The following CORIN variants were observed in gnomAD, a reference collection of about 807,000 sequenced individuals.
The protein encoded by CORIN is corin, serine peptidase.
CORIN carries 117 observed loss-of-function variants against 125.3 expected under a neutral mutation model. The observed-to-expected ratio is 0.93, with a 90% CI of 0.80 to 1.09. The LOEUF is 1.09. Among genes scored for constraint, CORIN ranks in the 50% least tolerant of loss-of-function variants. The pLI is 0.00. For missense variants in CORIN, 1,253 were observed against 1,306.7 expected, an observed-to-expected ratio of 0.96 and a Z score of 0.63; for synonymous variants, 450 against 466.4, an observed-to-expected ratio of 0.96 and a Z score of 0.45.
intron 11 of CORIN, 96 bp from the exon 12 acceptor site, chr4:47,661,952 G>A: frequency 8.1e-7 from 1 of 1,229,176 alleles, no homozygotes; most frequent in Non-Finnish European, 1.1e-6. Context: ...CTGTGTATGT[G>A]GCATGTATTG....
At chr4:47,820,241 A>G (rs559162933) in intron 1 of CORIN, among the ~76,000 whole-genome samples, 1 of 152,032 alleles carries the variant, frequency 6.6e-6, no homozygotes, top group South Asian at 2.1e-4. Flanking sequence ...TGAGGCTAAG[A>G]CATCCTGGAA....
chr4:47,662,968 A>G (rs940637680), intron 11 of CORIN, among the ~76,000 whole-genome samples: 1 of 152,250 alleles, frequency 6.6e-6, no homozygotes, highest in Non-Finnish European at 1.5e-5. Flanking sequence ...TGGAAAGTTC[A>G]ATAGTTGATA....
intron 1 of CORIN, among the ~76,000 whole-genome samples, chr4:47,830,760 T>C (rs1732948116): frequency 6.6e-6 from 1 of 152,140 alleles, no homozygotes; most frequent in Non-Finnish European, 1.5e-5. Context: ...TTTTTCACCA[T>C]TCAGGAGGTT....
intron 3 of CORIN, among the ~76,000 whole-genome samples, chr4:47,781,551 G>A (rs570759800): frequency 1.3e-5 from 2 of 152,312 alleles, no homozygotes; most frequent in East Asian, 3.9e-4. Flanking sequence ...CTATAGGTTC[G>A]ATGTATTAAA....
chr4:47,666,437 C>T (rs1409745654), intron 10 of CORIN, among the ~76,000 whole-genome samples: 1 of 152,158 alleles, frequency 6.6e-6, no homozygotes, highest in African/African-American at 2.4e-5. Flanking sequence ...TTGTCTCTGC[C>T]ACTGAGGAAC....
intron 10 of CORIN, among the ~76,000 whole-genome samples, chr4:47,665,849 C>G (rs993480009): frequency 6.6e-6 from 1 of 152,170 alleles, no homozygotes; most frequent in Non-Finnish European, 1.5e-5. Context: ...ATACTTCAAC[C>G]CTAGGCTAAC....
chr4:47,757,867 C>CATATATATATATATAT (rs1274991991), intron 4 of CORIN, among the ~76,000 whole-genome samples: 1 of 91,744 alleles, frequency 1.1e-5, no homozygotes, highest in African/African-American at 4.9e-5. Context: ...CATATATATA[C>CATATATATATATATAT]ATATATATAT....
chr4:47,633,466 T>C (rs4695262), intron 16 of CORIN, among the ~76,000 whole-genome samples: 39,498 of 151,766 alleles, frequency 0.26, 5,303 homozygotes, highest in Admixed American at 0.36. Flanking sequence ...TGAATGAAAA[T>C]ATCATTTGAA....
At chr4:47,652,067 G>A (rs1651494014) in intron 13 of CORIN, among the ~76,000 whole-genome samples, 2 of 152,150 alleles carry the variant, frequency 1.3e-5, no homozygotes, top group Admixed American at 1.3e-4. Context: ...CAAAGTCATA[G>A]TTCAGTGAAC....
At chr4:47,801,402 T>C (rs1731534275) in intron 2 of CORIN, among the ~76,000 whole-genome samples, 1 of 152,048 alleles carries the variant, frequency 6.6e-6, no homozygotes, top group South Asian at 2.1e-4. Flanking sequence ...ATAGCATTGG[T>C]CCCCCACCCC....
chr4:47,630,637 C>T (rs760518883), intron 16 of CORIN, among the ~76,000 whole-genome samples: 2 of 152,132 alleles, frequency 1.3e-5, no homozygotes, highest in Non-Finnish European at 2.9e-5. Flanking sequence ...TGCCATTTGT[C>T]TACATATTTA....
chr4:47,784,233 G>GA (rs903247087), intron 3 of CORIN, among the ~76,000 whole-genome samples: 2 of 152,138 alleles, frequency 1.3e-5, no homozygotes, highest in Non-Finnish European at 2.9e-5. Flanking sequence ...GAAATGTATG[G>GA]AAAGCTATCC....
chr4:47,738,181 T>C (rs771542038), intron 5 of CORIN, among the ~76,000 whole-genome samples: 3 of 152,054 alleles, frequency 2.0e-5, no homozygotes, highest in African/African-American at 4.8e-5. Flanking sequence ...GGACTATGCA[T>C]ATACCTAAGA....
chr4:47,801,405 CCCA>C, intron 2 of CORIN, among the ~76,000 whole-genome samples: 2 of 152,278 alleles, frequency 1.3e-5, no homozygotes, highest in Admixed American at 1.3e-4. Flanking sequence ...GCATTGGTCC[CCCA>C]CCCCAAAGGA....
intron 19 of CORIN, among the ~76,000 whole-genome samples, chr4:47,606,698 CTTTT>C (rs1721660001): frequency 6.7e-6 from 1 of 149,114 alleles, no homozygotes; most frequent in Non-Finnish European, 1.5e-5. Context: ...TTCCTTCTTT[CTTTT>C]ACTTCTTTCT....
intron 1 of CORIN, among the ~76,000 whole-genome samples, chr4:47,825,601 T>C (rs1732711133): frequency 6.6e-6 from 1 of 152,076 alleles, no homozygotes; most frequent in Non-Finnish European, 1.5e-5. Context: ...TTGCAGTAAT[T>C]CTTTTAAATG....
chr4:47,614,188 CT>C (rs1721982739), intron 19 of CORIN, among the ~76,000 whole-genome samples: 1 of 152,018 alleles, frequency 6.6e-6, no homozygotes, highest in African/African-American at 2.4e-5. Flanking sequence ...CCCCCAATTT[CT>C]TTTTTTGTTG....
chr4:47,609,664 G>A (rs1210458550), intron 19 of CORIN, among the ~76,000 whole-genome samples: 2 of 152,036 alleles, frequency 1.3e-5, no homozygotes, highest in African/African-American at 2.4e-5. Flanking sequence ...ATAGGTAAAC[G>A]TGTGCCGTGG....
chr4:47,810,221 TC>T (rs1299471992), intron 1 of CORIN, among the ~76,000 whole-genome samples: 3 of 152,196 alleles, frequency 2.0e-5, no homozygotes, highest in Non-Finnish European at 4.4e-5. Flanking sequence ...AGGGTCTCAC[TC>T]TGTCGCCCAG....
Sources: gnomAD v4.1 joint callset for allele counts (sites outside exome capture counted in the v4.1 genomes callset) on GRCh38, gnomAD v4.1.1 for gene constraint, MANE v1.5 for transcripts, NCBI Gene and HGNC (gene_info 2026-07-23, HGNC 2026-07-21) for gene names.